Variants in RP1 observed in about 807,000 individuals in gnomAD.
RP1 encodes oxygen-regulated protein 1.
In RP1, 16 loss-of-function variants were observed where a neutral mutation model predicts 14.8. That is an observed-to-expected ratio of 1.08 (90% CI 0.73 to 1.65). The LOEUF is 1.65. Ranked by LOEUF, RP1 falls within the 40% of genes most tolerant of loss-of-function variation. RP1 has a pLI of 0.00. For missense variants in RP1, 2,631 were observed against 2,535.0 expected, an observed-to-expected ratio of 1.04 and a Z score of -0.81; for synonymous variants, 876 against 883.6, an observed-to-expected ratio of 0.99 and a Z score of 0.15.
rs145801713 is a variant in RP1 at position 54,629,695 on chromosome 8, G to A, written c.5813G>A (p.Arg1938His). 148 of 1,613,384 alleles carry A rather than the reference G, an allele frequency of 9.2e-5. No homozygotes were observed. In the African/African-American group the frequency reaches 1.3e-3, roughly 14 times the overall value. ...MNEEDRGFAY[R>H]KESDIENFLG... ...GAGGAAGACCGAGGATTTGCATATC[G>A]CAAAGAATCTGATATTGAAAATTTC... Residue 1938 changes from arginine (R) to histidine (H), a missense_variant, in exon 4 of 4, where the codon CGC (arginine) becomes CAC (histidine). Transcript: ENST00000220676.
At chr8:54,698,241 A>G (rs1220887829) in intron 12 of RP1, among the ~76,000 whole-genome samples, 2 of 152,240 alleles carry the variant, frequency 1.3e-5, no homozygotes, top group East Asian at 3.8e-4. Context: ...ATGAACAAAC[A>G]CTTCTCAAAA....
intron 20 of RP1, among the ~76,000 whole-genome samples, chr8:54,755,467 C>T (rs1809480039): frequency 6.6e-6 from 1 of 152,198 alleles, no homozygotes; most frequent in Non-Finnish European, 1.5e-5. Context: ...TCAAAAGTCT[C>T]TCAATAGACA....
At chr8:54,693,398 A>T (rs1008303963) in intron 12 of RP1, among the ~76,000 whole-genome samples, 3 of 152,040 alleles carry the variant, frequency 2.0e-5, no homozygotes, top group Non-Finnish European at 4.4e-5. Flanking sequence ...AATCTATAAA[A>T]TACCTTGGAC....
chr8:54,837,722 A>T, intron 25 of RP1: 1 of 1,012,990 alleles, frequency 9.9e-7, no homozygotes, highest in Non-Finnish European at 1.3e-6. Context: ...AATAATTGAG[A>T]TGATTTAGAA....
intron 15 of RP1, among the ~76,000 whole-genome samples, chr8:54,714,995 G>A (rs1808368322): frequency 6.6e-6 from 1 of 152,240 alleles, no homozygotes; most frequent in Non-Finnish European, 1.5e-5. Context: ...TGTGTAGAAT[G>A]TATACTACTA....
intron 24 of RP1, among the ~76,000 whole-genome samples, chr8:54,809,482 A>AT (rs2129392479): frequency 6.6e-6 from 1 of 152,326 alleles, no homozygotes; most frequent in South Asian, 2.1e-4. Context: ...TAAAAGTTAG[A>AT]TTCATGCAGT....
At chr8:54,798,242 G>A (rs1810621560) in intron 24 of RP1, among the ~76,000 whole-genome samples, 1 of 152,022 alleles carries the variant, frequency 6.6e-6, no homozygotes, top group Non-Finnish European at 1.5e-5. Context: ...AAACTCCTGA[G>A]CTCAGGCGAT....
intron 2 of RP1, among the ~76,000 whole-genome samples, chr8:54,621,816 T>C (rs1307164783): frequency 6.6e-6 from 1 of 152,180 alleles, no homozygotes; most frequent in African/African-American, 2.4e-5. Context: ...CTGAGTTACA[T>C]AATGTTTTCA....
chr8:54,597,000 G>C (rs1805163790), intron 1 of RP1, among the ~76,000 whole-genome samples: 1 of 152,006 alleles, frequency 6.6e-6, no homozygotes, highest in Non-Finnish European at 1.5e-5. Context: ...CAAATCATTT[G>C]ACATAGCAAT....
chr8:54,567,869 G>A (rs1378521764), intron 1 of RP1, among the ~76,000 whole-genome samples: 1 of 152,144 alleles, frequency 6.6e-6, no homozygotes, highest in Non-Finnish European at 1.5e-5. Context: ...AGGGGGATTT[G>A]TCTGTAGCCT....
intron 24 of RP1, among the ~76,000 whole-genome samples, chr8:54,789,891 T>C (rs1423612368): frequency 1.3e-5 from 2 of 152,088 alleles, no homozygotes; most frequent in Non-Finnish European, 2.9e-5. Context: ...CCCTACCCAA[T>C]TGCAGAGCCC....
At chr8:54,665,246 T>C (rs2129330365) in intron 7 of RP1, among the ~76,000 whole-genome samples, 1 of 152,290 alleles carries the variant, frequency 6.6e-6, no homozygotes, top group Non-Finnish European at 1.5e-5. Context: ...TTTCTTCATT[T>C]TCTTTGACTC....
chr8:54,848,410 G>T (rs1200235457), intron 25 of RP1, among the ~76,000 whole-genome samples: 1 of 152,172 alleles, frequency 6.6e-6, no homozygotes, highest in Non-Finnish European at 1.5e-5. Context: ...GTGTCTGGTT[G>T]TTGATATGTC....
chr8:54,656,640 C>T lies in RP1; in HGVS notation c.1171+425C>T, dbSNP rs1382383135. On this transcript the variant is annotated intron_variant, in intron 6 of 22. Transcript: ENST00000636932. Reference sequence around the variant, plus strand: ...CTCAATGACTTTCTAAATGTCTGGCCGAAAGCAGAGATGTGTTCAAGCCTT... The same window carrying T: ...CTCAATGACTTTCTAAATGTCTGGCTGAAAGCAGAGATGTGTTCAAGCCTT... Among the ~76,000 whole-genome samples, 4 of 150,504 alleles carry T rather than the reference C, an allele frequency of 2.7e-5. No individual in the cohort carries two copies. In the East Asian group the frequency reaches 5.9e-4, roughly 22 times the overall value.
rs201202972 is a variant in RP1, at chr8:54,626,024, G to A, written c.2142G>A (p.Val714=). Residue 714 remains valine (V), a synonymous_variant, in exon 4 of 4, where the codon GTG becomes GTA. Transcript: ENST00000220676. ...GTAGAATTACAAAGGAAATGATAGT[G>A]CAAGATTCAGATAGTCCCCTTAAAG... ...TKGRITKEMI[V]QDSDSPLKGG... 2.5e-6 allele frequency: 4 copies of A among 1,613,794 alleles called. No homozygotes were observed. Among genetic ancestry groups the A allele is most frequent in the Non-Finnish European group, 3.4e-6 (4 of 1,179,936 alleles).
chr8:54,770,847 A>G (rs1809882405), downstream of RP1, among the ~76,000 whole-genome samples: 1 of 151,668 alleles, frequency 6.6e-6, no homozygotes, highest in African/African-American at 2.4e-5. Flanking sequence ...ATCTTTTTCT[A>G]TTAGGTCCTC....
Position 54,626,462 on chromosome 8 carries a change from T to C in RP1, c.2580T>C (p.Thr860=). 1 of 1,613,828 alleles carries C rather than the reference T, an allele frequency of 6.2e-7. No homozygotes were observed. The highest frequency in any genetic ancestry group is 1.7e-5 in the Admixed American group (1 of 59,992). The part of the protein sequence containing the change: ...MAKKSLVSKV[T]DSHITLKSQK... ...AGAAGAGTTTAGTTTCAAAAGTTAC[T>C]GATTCACACATAACTTTAAAAAGCC... Residue 860 remains threonine, a synonymous_variant, in exon 4 of 4, where the codon ACT becomes ACC. Coordinates refer to ENST00000220676, the MANE Select transcript of RP1 (RefSeq NM_006269.2).
intron 24 of RP1, among the ~76,000 whole-genome samples, chr8:54,788,374 T>G (rs544586891): frequency 1.1e-4 from 16 of 152,358 alleles, no homozygotes; most frequent in African/African-American, 3.6e-4. Context: ...AGATGGGTGT[T>G]AGCATGTCAT....
At chr8:54,778,151 G>A (rs1474135346) in intron 23 of RP1, among the ~76,000 whole-genome samples, 1 of 152,082 alleles carries the variant, frequency 6.6e-6, no homozygotes, top group African/African-American at 2.4e-5. Context: ...AGACATTTAA[G>A]GCTAAAATGT....
Sources: allele counts gnomAD v4.1 joint callset (sites outside exome capture counted in the v4.1 genomes callset), GRCh38; gene constraint gnomAD v4.1.1; transcripts MANE v1.5; gene names NCBI Gene and HGNC (gene_info 2026-07-23, HGNC 2026-07-21).